The following FAM193A variants were observed in gnomAD, a reference collection of about 807,000 sequenced individuals.
FAM193A encodes family with sequence similarity 193 member A, also known as protein FAM193A.
A neutral mutation model predicts 126.5 loss-of-function variants in FAM193A; 22 were observed. The observed-to-expected ratio is 0.17, with a 90% CI of 0.12 to 0.25. The LOEUF (loss-of-function observed/expected upper bound fraction) is 0.25, where lower values mean the gene tolerates loss of function less well. Ranked by LOEUF, FAM193A falls within the 10% of genes least tolerant of loss-of-function variation. The pLI is 1.00. For synonymous variants in FAM193A, 761 were observed against 646.8 expected (o/e 1.18, Z -2.68); for missense variants, 1,675 against 1,672.8 (o/e 1.00, Z -0.02).
chr4:2,669,216 A>AT (rs1306128787), intron 12 of FAM193A, among the ~76,000 whole-genome samples: 4 of 152,218 alleles, frequency 2.6e-5, no homozygotes, highest in Non-Finnish European at 4.4e-5. Context: ...ATTCTGCCGA[A>AT]TTTAAGTTAC....
At chr4:2,585,785 G>A (rs757276353) in intron 1 of FAM193A, among the ~76,000 whole-genome samples, 4 of 152,152 alleles carry the variant, frequency 2.6e-5, no homozygotes, top group Non-Finnish European at 5.9e-5. Context: ...GAAATTAGCT[G>A]GGTGTGGTGG....
At chr4:2,657,699 C>T in intron 7 of FAM193A, 104 bp from the exon 8 acceptor site, 1 of 705,912 alleles carries the variant, frequency 1.4e-6, no homozygotes, top group Non-Finnish European at 2.4e-6. Flanking sequence ...ATGTTTCTCT[C>T]ATATATATCA....
chr4:2,581,315 A>G (rs374372435), intron 1 of FAM193A, among the ~76,000 whole-genome samples: 2 of 145,990 alleles, frequency 1.4e-5, no homozygotes, highest in East Asian at 2.0e-4. Flanking sequence ...ATGCAGGGGC[A>G]CAATCTTGGC....
chr4:2,693,640 C>T lies in FAM193A; in HGVS notation c.2858C>T (p.Ala953Val), dbSNP rs1452329507. The T allele has an allele frequency of 6.2e-7, 1 of 1,614,140 alleles. No homozygotes were observed. The highest frequency in any genetic ancestry group is 1.7e-5 in the Admixed American group (1 of 60,022). ...GACCACAGACACTCGGCCCCAGCCG[C>T]CCCGAGGAATAGCCCCACGGGCTTG... ...KEDHRHSAPA[A>V]PRNSPTGLAP... Residue 953 changes from alanine to valine, a missense_variant, in exon 16 of 21, where the codon GCC becomes GTC. Around this residue, in one of 4 missense-constraint regions of FAM193A, gnomAD observed 1,186 missense variants for 1,109.2 expected, o/e 1.07. Transcript: ENST00000637812.
Position 2,700,108 on chromosome 4 carries a change from G to T in FAM193A, c.3936G>T (p.Glu1312Asp). The T allele has an allele frequency of 6.2e-7, 1 of 1,613,786 alleles. No individual in the cohort carries two copies. Among genetic ancestry groups the T allele is most frequent in the Non-Finnish European group, 8.5e-7 (1 of 1,179,984 alleles). ...ACTCCAAATTTCTCCTCCCCAAGGA[G>T]GTGAATGGGAAGCAGCATGAGCCAC... Reference protein sequence around the residue: ...TRDSKFLLPKEVNGKQHEPLS... With the variant: ...TRDSKFLLPKDVNGKQHEPLS... The change falls in exon 19 of 21, where the codon GAG becomes GAT. Residue 1312 changes from glutamate (E) to aspartate (D), a missense_variant. Around this residue, in one of 4 missense-constraint regions of FAM193A, gnomAD observed 415 missense variants for 396.7 expected, o/e 1.05. Transcript: ENST00000637812.
At chr4:2,628,851 C>CTT (rs1743244250) in intron 4 of FAM193A, among the ~76,000 whole-genome samples, 1 of 146,228 alleles carries the variant, frequency 6.8e-6, no homozygotes, top group Non-Finnish European at 1.5e-5. Context: ...TGCTGTCTCT[C>CTT]TCTTTTTTTT....
chr4:2,610,205 C>T (rs1366639516), intron 2 of FAM193A, among the ~76,000 whole-genome samples: 2 of 152,164 alleles, frequency 1.3e-5, no homozygotes, highest in African/African-American at 4.8e-5. Flanking sequence ...AAACTCCAGC[C>T]TGGCGACAGA....
intron 13 of FAM193A, among the ~76,000 whole-genome samples, chr4:2,686,405 C>T (rs549180673): frequency 5.3e-5 from 8 of 152,224 alleles, no homozygotes; most frequent in Admixed American, 3.3e-4. Context: ...AGACAAAAAT[C>T]GGTTAGTCTT....
At chr4:2,704,008 CTGTTATCCCAACA>C (rs1332311075) in intron 19 of FAM193A, among the ~76,000 whole-genome samples, 1 of 152,070 alleles carries the variant, frequency 6.6e-6, no homozygotes, top group Admixed American at 6.5e-5. Context: ...TGGCTCACGC[CTGTTATCCCAACA>C]TGTTGGGAGG....
intron 1 of FAM193A, among the ~76,000 whole-genome samples, chr4:2,553,003 A>G (rs1312201673): frequency 2.0e-5 from 3 of 151,600 alleles, no homozygotes; most frequent in African/African-American, 7.3e-5. Context: ...GCCCGCCACC[A>G]TGCTCAGTTA....
At chr4:2,631,212 A>T (rs1330067600) in intron 5 of FAM193A, 43 bp downstream of exon 5, 1 of 1,552,570 alleles carries the variant, frequency 6.4e-7, no homozygotes, top group East Asian at 2.3e-5. Flanking sequence ...GGATGAGCTG[A>T]AGAGAAGCAT....
chr4:2,662,261 G>A (rs551497301), intron 10 of FAM193A, among the ~76,000 whole-genome samples: 3 of 152,298 alleles, frequency 2.0e-5, no homozygotes, highest in African/African-American at 7.2e-5. Flanking sequence ...TGCTAAAGCT[G>A]ATATTTAATT....
rs372896676 is a variant in FAM193A at position 2,672,320 on chromosome 4, G to A, written c.2279G>A (p.Arg760His). The change falls in exon 13 of 21, where the codon CGC becomes CAC. Residue 760 changes from arginine (R) to histidine (H), a missense_variant. Coordinates refer to ENST00000637812, the MANE Select transcript of FAM193A (RefSeq NM_001366318.2). ...VPLHTVPHLP[R>H]PLIHPTLYAT... ...TTGCACACTGTTCCACACCTGCCAC[G>A]CCCTCTCATCCACCCCACCTTGTAT... The A allele has an allele frequency of 4.0e-5, 65 of 1,613,842 alleles. No individual in the cohort carries two copies. The highest frequency in any genetic ancestry group is 2.9e-4 in the East Asian group (13 of 44,886).
chr4:2,628,294 G>T (rs1743183140), intron 4 of FAM193A, among the ~76,000 whole-genome samples: 1 of 152,126 alleles, frequency 6.6e-6, no homozygotes, highest in Non-Finnish European at 1.5e-5. Flanking sequence ...GTATTTTCAG[G>T]GTTTGACCTG....
intron 1 of FAM193A, among the ~76,000 whole-genome samples, chr4:2,544,743 C>T (rs1560431267): frequency 6.6e-6 from 1 of 152,018 alleles, no homozygotes; most frequent in East Asian, 1.9e-4. Flanking sequence ...GTGGTGTATA[C>T]CTGTAATCCC....
rs367800296 is a variant in FAM193A at position 2,672,073 on chromosome 4, C to A, written c.2080-48C>A. The A allele has an allele frequency of 3.8e-6, 6 of 1,597,418 alleles. No individual in the cohort carries two copies. The Admixed American group carries it at 1.0e-4, about 27-fold the overall frequency. Reference sequence around the variant, plus strand: ...AGAATGTGACTGACTTTAATTCATACCATTTATTGTTTCACTAAATAGGTA... The same window carrying A: ...AGAATGTGACTGACTTTAATTCATAACATTTATTGTTTCACTAAATAGGTA... On this transcript the variant is annotated intron_variant, in intron 12 of 20. Coordinates refer to ENST00000637812, the MANE Select transcript of FAM193A (RefSeq NM_001366318.2).
intron 1 of FAM193A, among the ~76,000 whole-genome samples, chr4:2,565,360 A>G (rs1350550593): frequency 6.8e-6 from 1 of 146,228 alleles, no homozygotes; most frequent in Non-Finnish European, 1.5e-5. Flanking sequence ...CCCAGGTTCA[A>G]GCAATTCTCC....
Position 2,690,981 on chromosome 4 carries a change from A to G in FAM193A, c.2803+11A>G, listed in dbSNP as rs1213320408. 1.9e-6 allele frequency: 3 copies of G among 1,606,164 alleles called. No homozygotes were observed. In the African/African-American group the frequency reaches 4.0e-5, roughly 22 times the overall value. On this transcript the variant is annotated intron_variant, in intron 15 of 20. Coordinates refer to ENST00000637812, the MANE Select transcript of FAM193A (RefSeq NM_001366318.2). Reference sequence around the variant, plus strand: ...GACCTCCTTCAGTAGGTAAGGCTTGAAGGCTCACTGGCCCTCGGGGTCTGC... The same window carrying G: ...GACCTCCTTCAGTAGGTAAGGCTTGGAGGCTCACTGGCCCTCGGGGTCTGC...
chr4:2,646,157 TC>T, intron 6 of FAM193A, among the ~76,000 whole-genome samples: 1 of 132,142 alleles, frequency 7.6e-6, no homozygotes, highest in Admixed American at 9.3e-5. Flanking sequence ...TTTGAGCATC[TC>T]CTTTTTTTTT....
Sources: gnomAD v4.1 joint callset for allele counts (sites outside exome capture counted in the v4.1 genomes callset) on GRCh38, gnomAD v4.1.1 for gene constraint, gnomAD v4.1.1 regional missense constraint, MANE v1.5 for transcripts, NCBI Gene and HGNC (gene_info 2026-07-23, HGNC 2026-07-21) for gene names.